Variants in CCSER1 observed in about 807,000 individuals in gnomAD.
The protein encoded by CCSER1 is coiled-coil serine rich protein 1, also known as serine-rich coiled-coil domain-containing protein 1.
CCSER1 carries 41 observed loss-of-function variants against 82.0 expected under a neutral mutation model. That is an observed-to-expected ratio of 0.50 (90% CI 0.39 to 0.65). The LOEUF (loss-of-function observed/expected upper bound fraction) is 0.65, where lower values mean the gene tolerates loss of function less well. Ranked by LOEUF, CCSER1 falls within the 30% of genes least tolerant of loss-of-function variation. The pLI, the probability that CCSER1 is intolerant of heterozygous loss-of-function variation, is 0.00. For missense variants in CCSER1, 1,119 were observed against 1,064.2 expected, an observed-to-expected ratio of 1.05 and a Z score of -0.72; for synonymous variants, 414 against 383.9, an observed-to-expected ratio of 1.08 and a Z score of -0.92.
chr4:91,261,645 A>G (rs930736081), intron 10 of CCSER1, among the ~76,000 whole-genome samples: 2 of 152,200 alleles, frequency 1.3e-5, no homozygotes, highest in Non-Finnish European at 2.9e-5. Flanking sequence ...ACAGAATAGG[A>G]GTAAGACTTT....
chr4:90,625,349 C>A (rs1723072666), intron 5 of CCSER1, among the ~76,000 whole-genome samples: 1 of 152,100 alleles, frequency 6.6e-6, no homozygotes. Context: ...CATTAATATT[C>A]AATACATTGA....
intron 10 of CCSER1, among the ~76,000 whole-genome samples, chr4:91,201,633 ATTG>A (rs1347223282): frequency 6.6e-6 from 1 of 152,064 alleles, no homozygotes; most frequent in East Asian, 1.9e-4. Flanking sequence ...TAGTTGGACT[ATTG>A]TTGTAAACCT....
intron 9 of CCSER1, among the ~76,000 whole-genome samples, chr4:91,068,430 G>A (rs1159091895): frequency 1.3e-5 from 2 of 152,078 alleles, no homozygotes; most frequent in Admixed American, 6.6e-5. Flanking sequence ...TTTCTGTTAT[G>A]TTTTGCTGTT....
intron 9 of CCSER1, among the ~76,000 whole-genome samples, chr4:91,013,044 G>A (rs1379464663): frequency 7.4e-6 from 1 of 134,336 alleles, no homozygotes; most frequent in Non-Finnish European, 1.7e-5. Flanking sequence ...ATACTCCTTT[G>A]ATGTACTCCA....
chr4:90,287,154 T>C (rs1036483960), intron 1 of CCSER1, among the ~76,000 whole-genome samples: 2 of 151,824 alleles, frequency 1.3e-5, no homozygotes, highest in Admixed American at 6.6e-5. Context: ...ATAGAATCAT[T>C]GATCTGAAAT....
chr4:91,016,593 A>G (rs958541136), intron 9 of CCSER1, among the ~76,000 whole-genome samples: 2 of 152,056 alleles, frequency 1.3e-5, no homozygotes, highest in Non-Finnish European at 2.9e-5. Context: ...ATTATGTATC[A>G]TGGCTAATAG....
intron 10 of CCSER1, among the ~76,000 whole-genome samples, chr4:91,412,675 A>T (rs1753127481): frequency 6.6e-6 from 1 of 152,078 alleles, no homozygotes; most frequent in Non-Finnish European, 1.5e-5. Flanking sequence ...CCAGACAATT[A>T]TCTTTTAAGC....
chr4:91,495,935 T>C (rs1758780465), intron 10 of CCSER1, among the ~76,000 whole-genome samples: 3 of 151,610 alleles, frequency 2.0e-5, no homozygotes, highest in Admixed American at 2.0e-4. Flanking sequence ...GCATAAACAT[T>C]TGAATCCTGG....
chr4:91,384,605 G>T (rs908169350), intron 10 of CCSER1, among the ~76,000 whole-genome samples: 2 of 151,930 alleles, frequency 1.3e-5, no homozygotes, highest in Non-Finnish European at 2.9e-5. Flanking sequence ...TGTAAACAAT[G>T]AAACAAGTTC....
At chr4:90,933,350 G>A (rs979160556) in intron 9 of CCSER1, among the ~76,000 whole-genome samples, 1 of 151,570 alleles carries the variant, frequency 6.6e-6, no homozygotes, top group Non-Finnish European at 1.5e-5. Flanking sequence ...ACCACGCCCG[G>A]CTAATTTTTT....
intron 5 of CCSER1, among the ~76,000 whole-genome samples, chr4:90,519,486 G>A (rs1772787730): frequency 6.6e-6 from 1 of 151,590 alleles, no homozygotes; most frequent in Admixed American, 6.6e-5. Context: ...TGTTACATAG[G>A]GAAGAATAAA....
chr4:90,201,862 T>C (rs1258034360), intron 1 of CCSER1, among the ~76,000 whole-genome samples: 3 of 152,158 alleles, frequency 2.0e-5, no homozygotes, highest in African/African-American at 7.2e-5. Context: ...TTTGAAACAC[T>C]GTTTACTGAA....
chr4:90,942,898 ATATATAT>A (rs1731760184), intron 9 of CCSER1, among the ~76,000 whole-genome samples: 1 of 147,656 alleles, frequency 6.8e-6, no homozygotes, highest in African/African-American at 2.5e-5. Context: ...ATAGAATTAA[ATATATAT>A]TATATATAAA....
At chr4:91,509,939 T>G (rs113593107) in intron 10 of CCSER1, among the ~76,000 whole-genome samples, 1 of 152,154 alleles carries the variant, frequency 6.6e-6, no homozygotes, top group African/African-American at 2.4e-5. Context: ...TGGGGTACGA[T>G]TGATCCTGTC....
At chr4:90,773,285 G>T (rs1244444532) in intron 7 of CCSER1, among the ~76,000 whole-genome samples, 1 of 152,114 alleles carries the variant, frequency 6.6e-6, no homozygotes, top group Non-Finnish European at 1.5e-5. Context: ...ACTACTGATT[G>T]CCCTTACCTT....
chr4:90,354,463 G>A (rs1232451850), intron 3 of CCSER1, among the ~76,000 whole-genome samples: 1 of 152,028 alleles, frequency 6.6e-6, no homozygotes, highest in Non-Finnish European at 1.5e-5. Context: ...AATTTCCTAA[G>A]AAAGTATGTC....
At chr4:90,848,860 T>TA (rs1185399670) in intron 8 of CCSER1, among the ~76,000 whole-genome samples, 9 of 152,348 alleles carry the variant, frequency 5.9e-5, no homozygotes, top group African/African-American at 2.2e-4. Flanking sequence ...TATGTATACT[T>TA]ACATATATCA....
chr4:91,172,546 A>G (rs1029213371), intron 10 of CCSER1, among the ~76,000 whole-genome samples: 4 of 152,198 alleles, frequency 2.6e-5, no homozygotes, highest in African/African-American at 9.6e-5. Flanking sequence ...AGCAATGATT[A>G]ATATTCATTC....
intron 10 of CCSER1, among the ~76,000 whole-genome samples, chr4:91,513,758 T>G (rs1759952296): frequency 6.6e-6 from 1 of 152,176 alleles, no homozygotes; most frequent in Non-Finnish European, 1.5e-5. Flanking sequence ...AGAGAAGTGT[T>G]CCTAATAGTC....
Sources: gnomAD v4.1 joint callset for allele counts (sites outside exome capture counted in the v4.1 genomes callset) on GRCh38, gnomAD v4.1.1 for gene constraint, MANE v1.5 for transcripts, NCBI Gene and HGNC (gene_info 2026-07-23, HGNC 2026-07-21) for gene names.